GABRG2: variants seen among roughly 807,000 people sequenced by gnomAD.
GABRG2 encodes gamma-aminobutyric acid receptor subunit gamma-2.
Under a neutral mutation model 56.4 loss-of-function variants are expected in GABRG2, and 16 were observed. The observed-to-expected ratio is 0.28, with a 90% CI of 0.19 to 0.43. The LOEUF is 0.43. Ranked by LOEUF, GABRG2 falls within the 20% of genes least tolerant of loss-of-function variation. GABRG2 has a pLI of 1.00. For missense variants in GABRG2, 327 were observed against 582.7 expected, an observed-to-expected ratio of 0.56 and a Z score of 4.52; for synonymous variants, 208 against 205.5, an observed-to-expected ratio of 1.01 and a Z score of -0.10.
intron 7 of GABRG2, among the ~76,000 whole-genome samples, chr5:162,146,484 T>A (rs1181599408): frequency 6.6e-6 from 1 of 152,146 alleles, no homozygotes; most frequent in Non-Finnish European, 1.5e-5. Context: ...AAATCTTAAC[T>A]ACTTTATTTG....
At chr5:162,070,246 G>T (rs933756188) in intron 1 of GABRG2, among the ~76,000 whole-genome samples, 1 of 152,172 alleles carries the variant, frequency 6.6e-6, no homozygotes, top group East Asian at 1.9e-4. Context: ...ACTCCCAAAA[G>T]TGGTAATTTT....
chr5:162,084,545 CCAATTAAA>C (rs1759909295), intron 1 of GABRG2, among the ~76,000 whole-genome samples: 1 of 151,684 alleles, frequency 6.6e-6, no homozygotes, highest in Admixed American at 6.6e-5. Context: ...CTCATAGAGA[CCAATTAAA>C]TCAGTATAAG....
chr5:162,141,799 T>C (rs1764586970), intron 6 of GABRG2, among the ~76,000 whole-genome samples: 1 of 152,122 alleles, frequency 6.6e-6, no homozygotes, highest in Non-Finnish European at 1.5e-5. Context: ...CTAGAATGAA[T>C]TGCAGACAAG....
At chr5:162,135,716 A>C (rs1764072628) in intron 6 of GABRG2, among the ~76,000 whole-genome samples, 1 of 152,178 alleles carries the variant, frequency 6.6e-6, no homozygotes, top group Non-Finnish European at 1.5e-5. Flanking sequence ...AATGGAGTTA[A>C]GTGAGTAAAG....
intron 7 of GABRG2, 38 bp downstream of exon 7, chr5:162,142,354 A>G: frequency 6.2e-7 from 1 of 1,607,140 alleles, no homozygotes; most frequent in Non-Finnish European, 8.5e-7. Context: ...TTCTCAAGAT[A>G]AGTACCAAAT....
At chr5:162,073,483 C>T (rs1430031588) in intron 1 of GABRG2, among the ~76,000 whole-genome samples, 1 of 151,826 alleles carries the variant, frequency 6.6e-6, no homozygotes, top group African/African-American at 2.4e-5. Flanking sequence ...AGGAAACTTG[C>T]TCAATGTTGT....
chr5:162,102,499 A>C, intron 5 of GABRG2: 2 of 453,994 alleles, frequency 4.4e-6, no homozygotes, highest in South Asian at 3.1e-5. Flanking sequence ...TCTCTGCCTC[A>C]TATCATCATT....
intron 6 of GABRG2, among the ~76,000 whole-genome samples, chr5:162,113,399 C>T (rs567347546): frequency 1.5e-4 from 23 of 152,170 alleles, no homozygotes; most frequent in Non-Finnish European, 2.9e-4. Context: ...GCACCATGTT[C>T]CACAATGATG....
chr5:162,098,646 T>C (rs1761176758), intron 4 of GABRG2: 1 of 152,168 alleles, frequency 6.6e-6, no homozygotes, highest in African/African-American at 2.4e-5. Context: ...CTGTAGGAAC[T>C]AGGGCAACGC....
chr5:162,081,741 G>A (rs1293645522), intron 1 of GABRG2, among the ~76,000 whole-genome samples: 2 of 151,754 alleles, frequency 1.3e-5, no homozygotes. Flanking sequence ...ATTAGAATGG[G>A]CAAAATAAAA....
rs764389038 is a variant in GABRG2 at position 162,153,078 on chromosome 5, C to T, written c.1153-15C>T. ...ACAACTAACTGATCCCTCTCCTTCC[C>T]TACCCTCGTCCCAGGCCCCTACCAT... On this transcript the variant is annotated splice_polypyrimidine_tract_variant and intron_variant, in intron 9 of 9. Transcript: ENST00000639213. The T allele has an allele frequency of 6.2e-7, 1 of 1,613,774 alleles. No individual in the cohort carries two copies. The highest frequency in any genetic ancestry group is 1.7e-5 in the Admixed American group (1 of 59,968).
chr5:162,101,131 G>A, intron 4 of GABRG2, 104 bp from the exon 5 acceptor site: 1 of 823,394 alleles, frequency 1.2e-6, no homozygotes, highest in South Asian at 1.5e-5. Flanking sequence ...TTTTCAATCA[G>A]AATGTGAGAT....
At position 162,104,433 on chromosome 5, in the gene GABRG2, T is replaced by C. The variant is rs148739429; in HGVS notation, c.769+407T>C. Reference sequence around the variant, plus strand: ...ATAGTGGATATGGACCCATTCTCCATTCAGTAGTTTAATATTTTAATCTTA... The same window carrying C: ...ATAGTGGATATGGACCCATTCTCCACTCAGTAGTTTAATATTTTAATCTTA... On this transcript the variant is annotated intron_variant, in intron 6 of 9. Transcript: ENST00000639213. Among the ~76,000 whole-genome samples, 141 of 152,300 alleles carry C rather than the reference T, an allele frequency of 9.3e-4. 1 individual carries two copies. Among genetic ancestry groups the C allele is most frequent in the African/African-American group, 3.2e-3 (135 of 41,554 alleles).
intron 4 of GABRG2, 74 bp downstream of exon 4, chr5:162,097,932 C>G (rs1286586155): frequency 8.0e-7 from 1 of 1,249,240 alleles, no homozygotes; most frequent in African/African-American, 1.5e-5. Flanking sequence ...CCTTAAGTCT[C>G]TAAAAGAAAA....
chr5:162,102,642 C>A lies in GABRG2; in HGVS notation c.632-1247C>A, dbSNP rs1184657612. 4 of 452,818 alleles carry A rather than the reference C, an allele frequency of 8.8e-6. No individual in the cohort carries two copies. In the Admixed American group the frequency reaches 9.4e-5, roughly 11 times the overall value. The allele number at this position is 452,818 out of a possible 1,614,324, so 28.1% of individuals were successfully genotyped here. A position where few individuals can be genotyped will look rare whatever the true frequency, so the allele number is the denominator to read the frequency against. On this transcript the variant is annotated intron_variant, in intron 5 of 9. Transcript: ENST00000639213. ...GCTTCTGGGGCTCAACTGATCCTCC[C>A]ACCTTGGCCTCCAGAGTAGCTGGGA...
chr5:162,114,681 C>G (rs1022749561), intron 6 of GABRG2, among the ~76,000 whole-genome samples: 1 of 152,092 alleles, frequency 6.6e-6, no homozygotes, highest in Non-Finnish European at 1.5e-5. Flanking sequence ...CAAAGAAGTG[C>G]CAGAATTTTG....
intron 6 of GABRG2, among the ~76,000 whole-genome samples, chr5:162,139,051 T>C (rs1488586156): frequency 6.6e-6 from 1 of 151,552 alleles, no homozygotes; most frequent in African/African-American, 2.4e-5. Context: ...TTCCTAAAAG[T>C]AGACATAAGA....
At chr5:162,085,255 T>C (rs1581321405) in intron 1 of GABRG2, among the ~76,000 whole-genome samples, 1 of 152,138 alleles carries the variant, frequency 6.6e-6, no homozygotes, top group African/African-American at 2.4e-5. Flanking sequence ...CTTGTACATA[T>C]ATTAAGTGGA....
In GABRG2 at chr5:162,153,390, A is replaced by G; in HGVS notation, c.*22A>G. On this transcript the variant is annotated 3_prime_UTR_variant, in exon 10 of 10. Transcript: ENST00000639213. The stretch of plus-strand genomic sequence containing the variant: ...GTGAGGAGGTATGGGTTTTACTGAT[A>G]TGGTTCTTATTCACTGAGTCTCATG... 2 of 1,612,834 alleles carry G rather than the reference A, an allele frequency of 1.2e-6. No homozygotes were observed. Among genetic ancestry groups the G allele is most frequent in the Non-Finnish European group, 1.7e-6 (2 of 1,178,886 alleles).
Sources: gnomAD v4.1 joint callset for allele counts (sites outside exome capture counted in the v4.1 genomes callset) on GRCh38, gnomAD v4.1.1 for gene constraint, MANE v1.5 for transcripts, NCBI Gene and HGNC (gene_info 2026-07-23, HGNC 2026-07-21) for gene names.